CHST11: variants seen among roughly 807,000 people sequenced by gnomAD.
CHST11 encodes the protein C4S-1.
In CHST11, 9 loss-of-function variants were observed where a neutral mutation model predicts 30.4. The ratio of observed to expected loss-of-function variants is 0.30; its 90% CI spans 0.18 to 0.52. The LOEUF (loss-of-function observed/expected upper bound fraction) is 0.52. Ranked by LOEUF, CHST11 falls within the 20% of genes least tolerant of loss-of-function variation. The probability of loss-of-function intolerance (pLI) is 0.97; values close to 1 mark genes in which losing one functional copy is unlikely to be tolerated. For missense variants in CHST11, 348 were observed against 460.6 expected (o/e 0.76, Z 2.24); for synonymous variants, 152 against 187.8 (o/e 0.81, Z 1.56).
At chr12:104,582,515 A>G (rs1426951226) in intron 1 of CHST11, among the ~76,000 whole-genome samples, 1 of 152,028 alleles carries the variant, frequency 6.6e-6, no homozygotes, top group African/African-American at 2.4e-5. Flanking sequence ...TTTTCATGTT[A>G]TTATCTTTAC....
intron 1 of CHST11, among the ~76,000 whole-genome samples, chr12:104,460,663 CAA>C (rs10570106): frequency 0.29 from 36,330 of 124,636 alleles, 4,990 homozygotes; most frequent in African/African-American, 0.4. Flanking sequence ...AACTGTGTCT[CAA>C]AAAAAAAAAA....
At chr12:104,751,353 GTT>G (rs1485894663) in intron 2 of CHST11, among the ~76,000 whole-genome samples, 2 of 152,172 alleles carry the variant, frequency 1.3e-5, no homozygotes, top group Admixed American at 1.3e-4. Context: ...GATGGGCCCT[GTT>G]TCCTTCCTAG....
intron 2 of CHST11, among the ~76,000 whole-genome samples, chr12:104,716,906 C>T (rs2040135876): frequency 1.3e-5 from 2 of 152,194 alleles, no homozygotes; most frequent in African/African-American, 4.8e-5. Context: ...GTGGATCTCA[C>T]TGGCTAAAAT....
intron 1 of CHST11, among the ~76,000 whole-genome samples, chr12:104,539,025 G>T (rs930613312): frequency 1.8e-4 from 27 of 152,208 alleles, no homozygotes; most frequent in Admixed American, 1.4e-3. Context: ...GAGAGTTGTC[G>T]TGCCCAGAGA....
At chr12:104,690,553 C>T (rs541836436) in intron 2 of CHST11, among the ~76,000 whole-genome samples, 12 of 152,134 alleles carry the variant, frequency 7.9e-5, no homozygotes, top group Admixed American at 1.3e-4. Context: ...AGACTGGGCG[C>T]GTTGGCTCAT....
chr12:104,481,965 G>C (rs899249761), intron 1 of CHST11, among the ~76,000 whole-genome samples: 1 of 150,956 alleles, frequency 6.6e-6, no homozygotes, highest in Non-Finnish European at 1.5e-5. Flanking sequence ...AGCCTCCCGA[G>C]TAGCTGGGAT....
chr12:104,506,868 C>G (rs1026267623), intron 1 of CHST11, among the ~76,000 whole-genome samples: 3 of 152,168 alleles, frequency 2.0e-5, no homozygotes, highest in Non-Finnish European at 4.4e-5. Context: ...ATACAGCTGG[C>G]TGTCAGAACA....
rs1232596690 is a variant in CHST11 at position 104,457,247 on chromosome 12, G to C, written c.-165G>C. 4 of 585,860 alleles carry C rather than the reference G, an allele frequency of 6.8e-6. No individual in the cohort carries two copies. In the African/African-American group the frequency reaches 7.6e-5, roughly 11 times the overall value. 36.3% of individuals were successfully genotyped at this position (585,860 alleles called of 1,614,324 possible). Reference sequence around the variant, plus strand: ...CGGCACCTTCCACACCCCTGCCCGGGCTGGGGGCTCCGAGAGCGGCCGCGA... The same window carrying C: ...CGGCACCTTCCACACCCCTGCCCGGCCTGGGGGCTCCGAGAGCGGCCGCGA... On this transcript the variant is annotated 5_prime_UTR_variant, in exon 1 of 3. Coordinates refer to ENST00000303694, the MANE Select transcript of CHST11 (RefSeq NM_018413.6).
intron 1 of CHST11, among the ~76,000 whole-genome samples, chr12:104,568,683 TG>T (rs1388917790): frequency 6.6e-6 from 1 of 152,124 alleles, no homozygotes; most frequent in Admixed American, 6.6e-5. Flanking sequence ...CACTTAAACC[TG>T]CAGGCAGTAT....
At chr12:104,593,605 C>T (rs10861243) in intron 1 of CHST11, among the ~76,000 whole-genome samples, 42,898 of 152,074 alleles carry the variant, frequency 0.28, 6,209 homozygotes, top group African/African-American at 0.34. Context: ...CAGTCCCAAA[C>T]ATCTGTAAGC....
intron 1 of CHST11, among the ~76,000 whole-genome samples, chr12:104,592,306 T>C (rs1349323774): frequency 1.3e-5 from 2 of 152,210 alleles, no homozygotes; most frequent in African/African-American, 2.4e-5. Flanking sequence ...GGGTGGCTTA[T>C]ACACAACAGA....
chr12:104,674,119 T>C (rs978749562), intron 2 of CHST11, among the ~76,000 whole-genome samples: 50 of 152,210 alleles, frequency 3.3e-4, no homozygotes. Flanking sequence ...CAGAGCAGGA[T>C]TTTTTTGCTG....
chr12:104,476,277 T>C (rs1290912411), intron 1 of CHST11, among the ~76,000 whole-genome samples: 1 of 149,996 alleles, frequency 6.7e-6, no homozygotes, highest in Admixed American at 6.7e-5. Flanking sequence ...TATGTACACA[T>C]GTAGTATATA....
At chr12:104,472,836 A>G (rs886227748) in intron 1 of CHST11, among the ~76,000 whole-genome samples, 1 of 151,982 alleles carries the variant, frequency 6.6e-6, no homozygotes, top group Non-Finnish European at 1.5e-5. Flanking sequence ...TTCCAGGGAA[A>G]GTTGAGGTTG....
At chr12:104,670,584 C>T (rs955419665) in intron 2 of CHST11, among the ~76,000 whole-genome samples, 7 of 150,180 alleles carry the variant, frequency 4.7e-5, no homozygotes, top group African/African-American at 1.5e-4. Context: ...TGCACTCACA[C>T]TCATACACAC....
chr12:104,508,833 C>G (rs959619654), intron 1 of CHST11, among the ~76,000 whole-genome samples: 2 of 152,014 alleles, frequency 1.3e-5, no homozygotes, highest in African/African-American at 4.8e-5. Flanking sequence ...AAGATTTTTT[C>G]TTTCTTAAAT....
chr12:104,541,916 G>A (rs933544632), intron 1 of CHST11, among the ~76,000 whole-genome samples: 3 of 152,218 alleles, frequency 2.0e-5, no homozygotes, highest in Admixed American at 2.0e-4. Flanking sequence ...GAGACAGAGC[G>A]AGACTCCGTC....
intron 2 of CHST11, among the ~76,000 whole-genome samples, chr12:104,683,121 G>A (rs2039814088): frequency 6.6e-6 from 1 of 152,324 alleles, no homozygotes; most frequent in South Asian, 2.1e-4. Context: ...TGAGCAGGAG[G>A]TGGAATGGAG....
At chr12:104,560,189 G>A (rs2038499728) in intron 1 of CHST11, among the ~76,000 whole-genome samples, 1 of 152,194 alleles carries the variant, frequency 6.6e-6, no homozygotes, top group African/African-American at 2.4e-5. Context: ...AGTCAAGGTT[G>A]GGTGTTTGAT....
Sources: gnomAD v4.1 joint callset for allele counts (sites outside exome capture counted in the v4.1 genomes callset) on GRCh38, gnomAD v4.1.1 for gene constraint, MANE v1.5 for transcripts, NCBI Gene and HGNC (gene_info 2026-07-23, HGNC 2026-07-21) for gene names.